Variants in DAB1 observed in about 807,000 individuals in gnomAD.
DAB1 encodes disabled homolog 1.
In DAB1, 15 loss-of-function variants were observed where a neutral mutation model predicts 64.6. That is an observed-to-expected ratio of 0.23 (90% CI 0.16 to 0.36). DAB1 has a LOEUF of 0.36. Among genes scored for constraint, DAB1 ranks in the 10% least tolerant of loss-of-function variants. The pLI, the probability that DAB1 is intolerant of heterozygous loss-of-function variation, is 1.00. For missense variants in DAB1, 596 were observed against 706.7 expected, an observed-to-expected ratio of 0.84 and a Z score of 1.78; for synonymous variants, 235 against 251.9, an observed-to-expected ratio of 0.93 and a Z score of 0.64.
At chr1:57,759,823 G>A (rs896956494) in intron 6 of DAB1, among the ~76,000 whole-genome samples, 10 of 152,072 alleles carry the variant, frequency 6.6e-5, no homozygotes, top group African/African-American at 2.2e-4. Context: ...CAACAAAATG[G>A]GCTCAATGTG....
chr1:57,222,093 A>G (rs918581677), intron 2 of DAB1, among the ~76,000 whole-genome samples: 2 of 152,120 alleles, frequency 1.3e-5, no homozygotes, highest in Non-Finnish European at 2.9e-5. Flanking sequence ...GAAAAATATT[A>G]TTATTGTTGT....
At chr1:57,690,172 G>T (rs1206290339) in intron 6 of DAB1, among the ~76,000 whole-genome samples, 2 of 152,112 alleles carry the variant, frequency 1.3e-5, no homozygotes, top group Non-Finnish European at 2.9e-5. Context: ...TGGACACTTA[G>T]GTTGCTTCCA....
chr1:57,118,717 T>C (rs1656368780), intron 4 of DAB1, among the ~76,000 whole-genome samples: 1 of 152,196 alleles, frequency 6.6e-6, no homozygotes, highest in Non-Finnish European at 1.5e-5. Context: ...ATGATCAATG[T>C]TAGCTTATTC....
At chr1:57,563,433 A>G (rs2263444) in intron 7 of DAB1, among the ~76,000 whole-genome samples, 33,997 of 151,810 alleles carry the variant, frequency 0.22, 3,975 homozygotes, top group South Asian at 0.41. Context: ...GGCTTGTCAG[A>G]CAGTGGGTGC....
intron 1 of DAB1, among the ~76,000 whole-genome samples, chr1:57,369,320 G>T (rs559739174): frequency 6.6e-6 from 1 of 152,242 alleles, no homozygotes; most frequent in Admixed American, 6.5e-5. Flanking sequence ...CTCCCTCAGG[G>T]GTTGATGCCC....
intron 1 of DAB1, among the ~76,000 whole-genome samples, chr1:57,405,038 G>A (rs1683522806): frequency 6.6e-6 from 1 of 152,160 alleles, no homozygotes; most frequent in South Asian, 2.1e-4. Flanking sequence ...TTAGTGGCTG[G>A]TATCTCAATC....
chr1:57,979,385 A>T (rs1646005640), intron 5 of DAB1, among the ~76,000 whole-genome samples: 1 of 151,232 alleles, frequency 6.6e-6, no homozygotes, highest in South Asian at 2.1e-4. Context: ...GGACATAGGG[A>T]GGGGAACATC....
intron 3 of DAB1, among the ~76,000 whole-genome samples, chr1:58,350,199 A>G (rs1282010193): frequency 1.3e-5 from 2 of 152,048 alleles, no homozygotes; most frequent in Non-Finnish European, 2.9e-5. Flanking sequence ...TGCATTTCTC[A>G]ATAACAGTGA....
intron 12 of DAB1, among the ~76,000 whole-genome samples, chr1:57,013,088 C>T (rs1646314003): frequency 6.6e-6 from 1 of 152,226 alleles, no homozygotes; most frequent in South Asian, 2.1e-4. Flanking sequence ...TAGAGGCCAG[C>T]GTTGCTGCTA....
intron 3 of DAB1, among the ~76,000 whole-genome samples, chr1:58,413,533 T>A (rs1644689580): frequency 1.3e-5 from 2 of 152,168 alleles, no homozygotes; most frequent in Admixed American, 1.3e-4. Flanking sequence ...TGATTCCCAC[T>A]ATATGATCTG....
At chr1:57,850,832 A>G (rs1425294372) in intron 1 of DAB1, among the ~76,000 whole-genome samples, 1 of 152,258 alleles carries the variant, frequency 6.6e-6, no homozygotes, top group East Asian at 1.9e-4. Context: ...CTTGAAATTT[A>G]AGCATTCCTC....
In DAB1 at chr1:58,287,522, C is replaced by G. The variant is rs148392177; in HGVS notation, n.309+55830G>C. Among the ~76,000 whole-genome samples, 239 of 152,182 alleles carry G rather than the reference C, an allele frequency of 1.6e-3. 6 individuals are homozygous for G. In the East Asian group the frequency reaches 0.04, roughly 26 times the overall value. On this transcript the variant is annotated intron_variant and non_coding_transcript_variant, in intron 4 of 20. Coordinates refer to the DAB1 transcript ENST00000485760. Reference sequence around the variant, plus strand: ...TTGCTCTCATGGTTCGCAGTTGATACTGGCTGCTGCTCAGGAAGGGTCATC... The same window carrying G: ...TTGCTCTCATGGTTCGCAGTTGATAGTGGCTGCTGCTCAGGAAGGGTCATC...
intron 1 of DAB1, among the ~76,000 whole-genome samples, chr1:57,331,604 T>C (rs1332891838): frequency 6.6e-6 from 1 of 152,216 alleles, no homozygotes; most frequent in Non-Finnish European, 1.5e-5. Flanking sequence ...GAAAGTGAAA[T>C]ACTGGAATCC....
intron 2 of DAB1, among the ~76,000 whole-genome samples, chr1:57,198,725 T>G (rs1351086581): frequency 1.3e-5 from 2 of 150,888 alleles, no homozygotes. Flanking sequence ...AAAAAAGGTT[T>G]CCAGAGGAAG....
chr1:57,941,564 T>C (rs953626245), intron 5 of DAB1, among the ~76,000 whole-genome samples: 8 of 152,328 alleles, frequency 5.3e-5, no homozygotes, highest in Middle Eastern at 6.8e-3. Flanking sequence ...GGGCCGGGCA[T>C]GGTGGCTCAC....
At chr1:57,692,478 G>T (rs1277632871) in intron 6 of DAB1, among the ~76,000 whole-genome samples, 1 of 152,062 alleles carries the variant, frequency 6.6e-6, no homozygotes, top group African/African-American at 2.4e-5. Flanking sequence ...AGGAGTCAAA[G>T]AGAGAGGCAA....
At chr1:57,553,422 G>GAAAAAGAAAGAAAGAAAGAA (rs1452780502) in intron 7 of DAB1, among the ~76,000 whole-genome samples, 2,585 of 18,292 alleles carry the variant, frequency 0.14, 255 homozygotes, top group South Asian at 0.54. Flanking sequence ...AAGAAAGAAA[G>GAAAAAGAAAGAAAGAAAGAA]AAAGAAAGAA....
At chr1:57,865,987 G>A (rs1163203537) in intron 1 of DAB1, among the ~76,000 whole-genome samples, 2 of 152,162 alleles carry the variant, frequency 1.3e-5, no homozygotes, top group African/African-American at 2.4e-5. Flanking sequence ...TTCCAGCTGT[G>A]TCCTCACATG....
rs369469068 is a variant in DAB1 at position 58,481,799 on chromosome 1, T to C, written n.257+24261A>G. 5.3e-5 allele frequency among the ~76,000 whole-genome samples: 8 copies of C among 152,280 alleles called. No homozygotes were observed. In the South Asian group the frequency reaches 1.5e-3, roughly 28 times the overall value. On this transcript the variant is annotated intron_variant and non_coding_transcript_variant, in intron 3 of 20. Coordinates refer to the DAB1 transcript ENST00000485760. ...GATCTGATGGTTTTATAAAGGGCAGTTCCCCCTGCATATGCTCTCTTGACT... is the reference window on the plus strand; with the variant it reads ...GATCTGATGGTTTTATAAAGGGCAGCTCCCCCTGCATATGCTCTCTTGACT...
Sources: allele counts gnomAD v4.1 joint callset (sites outside exome capture counted in the v4.1 genomes callset), GRCh38; gene constraint gnomAD v4.1.1; transcripts MANE v1.5; gene names NCBI Gene and HGNC (gene_info 2026-07-23, HGNC 2026-07-21).